Variants in LIPA observed in about 807,000 individuals in gnomAD.
The protein encoded by LIPA is lysosomal acid lipase/cholesteryl ester hydrolase.
Under a neutral mutation model 40.6 loss-of-function variants are expected in LIPA, and 26 were observed. The observed-to-expected ratio is 0.64, with a 90% confidence interval of 0.47 to 0.89. The LOEUF is 0.89. Ranked by LOEUF, LIPA falls within the 40% of genes least tolerant of loss-of-function variation. The pLI is 0.00. For synonymous variants in LIPA, 188 were observed against 168.4 expected, an observed-to-expected ratio of 1.12 and a Z score of -0.90; for missense variants, 455 against 479.6, an observed-to-expected ratio of 0.95 and a Z score of 0.48.
chr10:89,223,918 T>A, intron 6 of LIPA, 88 bp from the exon 7 acceptor site: 1 of 1,338,394 alleles, frequency 7.5e-7, no homozygotes, highest in Non-Finnish European at 1.1e-6. Context: ...CAGAGACAAG[T>A]ACCCAATGTC....
At chr10:89,233,370 G>A (rs549273807) in intron 3 of LIPA, among the ~76,000 whole-genome samples, 2 of 152,346 alleles carry the variant, frequency 1.3e-5, no homozygotes, top group East Asian at 1.9e-4. Context: ...AAAGGTAAAC[G>A]TCTGACAAAT....
chr10:89,386,465 C>T (rs1844211051), intron 2 of LIPA, among the ~76,000 whole-genome samples: 1 of 152,200 alleles, frequency 6.6e-6, no homozygotes, highest in Non-Finnish European at 1.5e-5. Context: ...ATTGACTTTT[C>T]CCTGTAAACA....
At chr10:89,344,491 T>A (rs1222379521), upstream of LIPA, among the ~76,000 whole-genome samples, 1 of 152,166 alleles carries the variant, frequency 6.6e-6, no homozygotes, top group Non-Finnish European at 1.5e-5. Context: ...GGGCTACACA[T>A]GCCTGTTTTT....
chr10:89,347,954 A>C (rs550958209), intron 2 of LIPA, among the ~76,000 whole-genome samples: 5 of 152,190 alleles, frequency 3.3e-5, no homozygotes, highest in Non-Finnish European at 7.4e-5. Context: ...GTGGCCTTCC[A>C]TGGTGAGGCC....
chr10:89,262,979 G>A (rs1051557620), intron 1 of LIPA, among the ~76,000 whole-genome samples: 3 of 152,164 alleles, frequency 2.0e-5, no homozygotes, highest in Non-Finnish European at 4.4e-5. Context: ...CTAACATGTT[G>A]CTGTTGGCAG....
At chr10:89,372,205 A>G (rs1454735015) in intron 2 of LIPA, among the ~76,000 whole-genome samples, 1 of 152,204 alleles carries the variant, frequency 6.6e-6, no homozygotes, top group African/African-American at 2.4e-5. Context: ...CTTGAGATAC[A>G]AGAACAGGTT....
At position 89,403,085 on chromosome 10, in the gene LIPA, T is replaced by C. The variant is rs1254448769; in HGVS notation, c.61+9706A>G. 3.7e-6 allele frequency: 6 copies of C among 1,614,172 alleles called. No individual in the cohort carries two copies. The Middle Eastern group carries it at 6.6e-4, about 178-fold the overall frequency. On this transcript the variant is annotated intron_variant, in intron 2 of 8. Transcript: ENST00000371837. Reference sequence around the variant, plus strand: ...GAAGAAAAGGCTCTGTGGATAAAGCTCTTGAGTTATTAAAAAAGGCCTTGC... The same window carrying C: ...GAAGAAAAGGCTCTGTGGATAAAGCCCTTGAGTTATTAAAAAAGGCCTTGC...
At chr10:89,337,793 TA>T (rs1298571745) in intron 1 of LIPA, among the ~76,000 whole-genome samples, 4 of 152,252 alleles carry the variant, frequency 2.6e-5, no homozygotes, top group Non-Finnish European at 4.4e-5. Flanking sequence ...CATATCTGCT[TA>T]CACGGTGTAA....
rs915297253 is a variant in LIPA, at chr10:89,339,829, T to A, written c.-2+2782A>T. ...AGAGGGTTTGTCCATAAGCAAAAAA[T>A]CAACTGACAAGGAAGAGATCAAAGA... On this transcript the variant is annotated intron_variant, in intron 1 of 5. Coordinates refer to the LIPA transcript ENST00000282673. 5 of 1,613,932 alleles carry A rather than the reference T, an allele frequency of 3.1e-6. No individual in the cohort carries two copies. Among genetic ancestry groups the A allele is most frequent in the Non-Finnish European group, 4.2e-6 (5 of 1,180,010 alleles).
chr10:89,322,116 G>A (rs533545643), intron 1 of LIPA, among the ~76,000 whole-genome samples: 22 of 152,302 alleles, frequency 1.4e-4, no homozygotes, highest in African/African-American at 5.3e-4. Flanking sequence ...TATACCTAAT[G>A]TAAATGACGA....
intron 1 of LIPA, among the ~76,000 whole-genome samples, chr10:89,274,967 T>C (rs1328090713): frequency 6.6e-6 from 1 of 152,206 alleles, no homozygotes; most frequent in Admixed American, 6.5e-5. Context: ...TGAAAAGGCA[T>C]TCTATCTTAA....
chr10:89,299,142 A>G (rs1843431212), intron 1 of LIPA, among the ~76,000 whole-genome samples: 1 of 151,886 alleles, frequency 6.6e-6, no homozygotes. Flanking sequence ...CCAAAGAAAT[A>G]GGTATCATAA....
At chr10:89,345,902 G>A (rs115498858), upstream of LIPA, among the ~76,000 whole-genome samples, 324 of 152,212 alleles carry the variant, frequency 2.1e-3, 1 homozygote, top group African/African-American at 7.4e-3. Context: ...GACAATGACC[G>A]AAATTTTCGG....
chr10:89,261,904 G>C (rs558149730), intron 1 of LIPA, among the ~76,000 whole-genome samples: 8 of 152,052 alleles, frequency 5.3e-5, no homozygotes, highest in African/African-American at 1.7e-4. Context: ...TTTTTTTGCC[G>C]TAACCAATCC....
intron 2 of LIPA, among the ~76,000 whole-genome samples, chr10:89,359,641 G>T (rs75916483): frequency 6.6e-6 from 1 of 152,124 alleles, no homozygotes. Flanking sequence ...GCTCCTATTC[G>T]CAGAGGCTCA....
intron 2 of LIPA, among the ~76,000 whole-genome samples, chr10:89,406,855 G>GGGACTAT (rs1841417859): frequency 6.6e-6 from 1 of 152,188 alleles, no homozygotes; most frequent in South Asian, 2.1e-4. Flanking sequence ...TGACCACGAA[G>GGGACTAT]GGACTATCGC....
chr10:89,273,171 G>A (rs1843274155), intron 1 of LIPA, among the ~76,000 whole-genome samples: 1 of 151,734 alleles, frequency 6.6e-6, no homozygotes, highest in Non-Finnish European at 1.5e-5. Context: ...GAAGCATAAG[G>A]AATTCCTTTC....
intron 1 of LIPA, chr10:89,414,349 TCAAA>T (rs139368125): frequency 1.6e-3 from 254 of 158,970 alleles, no homozygotes; most frequent in African/African-American, 3.9e-3. Flanking sequence ...AGACGCTATC[TCAAA>T]CAAACAAACA....
chr10:89,220,362 G>A (rs1842682470), intron 8 of LIPA, among the ~76,000 whole-genome samples: 1 of 152,174 alleles, frequency 6.6e-6, no homozygotes, highest in Admixed American at 6.5e-5. Flanking sequence ...GGCCTTTTAG[G>A]AAAATGTCCA....
Sources: allele counts gnomAD v4.1 joint callset (sites outside exome capture counted in the v4.1 genomes callset), GRCh38; gene constraint gnomAD v4.1.1; transcripts MANE v1.5; gene names NCBI Gene and HGNC (gene_info 2026-07-23, HGNC 2026-07-21).